DNAH11: variants seen among roughly 807,000 people sequenced by gnomAD.
DNAH11 encodes axonemal beta dynein heavy chain 11.
In DNAH11, 442 loss-of-function variants were observed where a neutral mutation model predicts 526.0. The ratio of observed to expected loss-of-function variants is 0.84; its 90% CI spans 0.78 to 0.91. DNAH11 has a LOEUF of 0.91. Among genes scored for constraint, DNAH11 ranks in the 40% least tolerant of loss-of-function variants. DNAH11 has a pLI of 0.00. For missense variants in DNAH11, 6,989 were observed against 5,448.7 expected (o/e 1.28, Z -8.90); for synonymous variants, 2,461 against 1,935.9 (o/e 1.27, Z -7.12).
rs757609611 is a variant in DNAH11, at chr7:21,616,251, C to G, written c.4054C>G (p.His1352Asp). ...NWTKTQWRQI[H>D]VEQMDVELRR... The stretch of plus-strand genomic sequence containing the variant: ...GACTAAAACCCAGTGGAGACAGATT[C>G]ATGTGGAACAGATGGATGTAGAACT... The change falls in exon 22 of 82, where the codon CAT becomes GAT. Residue 1352 changes from histidine (H) to aspartate (D), a missense_variant. Transcript: ENST00000409508. 6.2e-6 allele frequency: 10 copies of G among 1,613,428 alleles called. No homozygotes were observed. In the African/African-American group the frequency reaches 1.1e-4, roughly 17 times the overall value.
intron 79 of DNAH11, 90 bp downstream of exon 79, chr7:21,895,089 AC>A: frequency 9.2e-7 from 1 of 1,085,942 alleles, no homozygotes; most frequent in Admixed American, 2.1e-5. Flanking sequence ...AACTATGCAG[AC>A]GGAGCTTTGT....
chr7:21,803,965 A>T (rs1206814307), intron 62 of DNAH11, among the ~76,000 whole-genome samples: 6 of 152,248 alleles, frequency 3.9e-5, no homozygotes. Context: ...GCCACCGTTC[A>T]TCTCATGGGA....
At chr7:21,685,183 C>T (rs886693695) in intron 32 of DNAH11, among the ~76,000 whole-genome samples, 1 of 152,174 alleles carries the variant, frequency 6.6e-6, no homozygotes, top group African/African-American at 2.4e-5. Context: ...TTAATTTATG[C>T]ATTGCTTTCA....
intron 63 of DNAH11, among the ~76,000 whole-genome samples, chr7:21,812,570 C>G (rs1208719196): frequency 2.0e-5 from 3 of 151,986 alleles, no homozygotes; most frequent in African/African-American, 7.3e-5. Flanking sequence ...GGGAGGATCA[C>G]TTGAGCTCAG....
At chr7:21,884,244 G>C (rs769384487) in intron 75 of DNAH11, 47 bp from the exon 76 acceptor site, 2 of 1,527,506 alleles carry the variant, frequency 1.3e-6, no homozygotes, top group Non-Finnish European at 1.8e-6. Context: ...CTACTCTGAG[G>C]CAGACTCTGC....
chr7:21,744,548 T>C lies in DNAH11; in HGVS notation c.8265T>C (p.Asp2755=), dbSNP rs1786058659. 14 of 1,613,436 alleles carry C rather than the reference T, an allele frequency of 8.7e-6. No individual in the cohort carries two copies. The East Asian group carries it at 2.9e-4, about 33-fold the overall frequency. ...VYGDKLIDKK[D]CDLFQRRMLE... Reference sequence around the variant, plus strand: ...GAGACAAACTGATAGACAAAAAAGATTGTGATTTGTTTCAGAGAAGAATGC... The same window carrying C: ...GAGACAAACTGATAGACAAAAAAGACTGTGATTTGTTTCAGAGAAGAATGC... Residue 2755 remains aspartate (D), a synonymous_variant, in exon 50 of 82, where the codon GAT becomes GAC. Coordinates refer to ENST00000409508, the MANE Select transcript of DNAH11 (RefSeq NM_001277115.2).
chr7:21,580,437 T>C (rs1042777563), intron 8 of DNAH11, among the ~76,000 whole-genome samples: 2 of 152,210 alleles, frequency 1.3e-5, no homozygotes, highest in Admixed American at 1.3e-4. Context: ...TCCTAGAACT[T>C]TGCTGTTACA....
At chr7:21,767,276 T>C (rs1315505071) in intron 55 of DNAH11, among the ~76,000 whole-genome samples, 1 of 152,186 alleles carries the variant, frequency 6.6e-6, no homozygotes, top group African/African-American at 2.4e-5. Context: ...CAGAGCACTT[T>C]GTTTCTGCAT....
intron 65 of DNAH11, among the ~76,000 whole-genome samples, chr7:21,822,509 A>T (rs541454391): frequency 6.6e-6 from 1 of 152,130 alleles, no homozygotes; most frequent in Admixed American, 6.5e-5. Context: ...CAAATATCCA[A>T]ACTGTATCAC....
chr7:21,603,067 C>T (rs1249343645), intron 18 of DNAH11, among the ~76,000 whole-genome samples: 2 of 152,162 alleles, frequency 1.3e-5, no homozygotes, highest in East Asian at 1.9e-4. Flanking sequence ...TTGCAAACCC[C>T]TACCCACCAA....
chr7:21,771,670 C>T (rs1787439098), intron 55 of DNAH11, among the ~76,000 whole-genome samples: 1 of 152,060 alleles, frequency 6.6e-6, no homozygotes, highest in Non-Finnish European at 1.5e-5. Context: ...TTTTTGCCAT[C>T]ATCATGATTA....
chr7:21,746,154 C>T (rs927271372), intron 51 of DNAH11, among the ~76,000 whole-genome samples: 1 of 152,218 alleles, frequency 6.6e-6, no homozygotes, highest in African/African-American at 2.4e-5. Context: ...AACAGCTTAA[C>T]ATTGCCACTG....
intron 7 of DNAH11, 88 bp from the exon 8 acceptor site, chr7:21,571,718 G>C: frequency 1.0e-6 from 1 of 1,004,022 alleles, no homozygotes; most frequent in Non-Finnish European, 1.4e-6. Context: ...CATTGATTTT[G>C]AACATTTGAA....
At chr7:21,857,062 T>C (rs542439730) in intron 68 of DNAH11, among the ~76,000 whole-genome samples, 1 of 152,140 alleles carries the variant, frequency 6.6e-6, no homozygotes, top group Non-Finnish European at 1.5e-5. Flanking sequence ...ATTATGTATA[T>C]AGAAAATCCC....
intron 74 of DNAH11, among the ~76,000 whole-genome samples, chr7:21,876,417 A>T (rs1783714245): frequency 6.6e-6 from 1 of 152,236 alleles, no homozygotes; most frequent in Non-Finnish European, 1.5e-5. Flanking sequence ...TGCAGTTTTT[A>T]ATCAGATTAT....
rs1232365209 is a variant in DNAH11, at chr7:21,900,214, C to G, written c.13303+94C>G. ...CTTACTGTTTCTCAGCATCTCCTCA[C>G]TCACACAGTAACCTTATGCTAGTCA... On this transcript the variant is annotated intron_variant, in intron 81 of 81. Coordinates refer to ENST00000409508, the MANE Select transcript of DNAH11 (RefSeq NM_001277115.2). 3.0e-6 allele frequency: 4 copies of G among 1,326,708 alleles called. No homozygotes were observed. The Admixed American group carries it at 7.9e-5, about 26-fold the overall frequency. 82.2% of individuals were successfully genotyped at this position (1,326,708 alleles called of 1,614,324 possible). A position where few individuals can be genotyped will look rare whatever the true frequency, so the allele number is the denominator to read the frequency against.
chr7:21,874,832 A>C (rs1215746698), intron 74 of DNAH11, among the ~76,000 whole-genome samples: 1 of 151,946 alleles, frequency 6.6e-6, no homozygotes, highest in Non-Finnish European at 1.5e-5. Context: ...TCCTTCCTCT[A>C]ATTTTTTGGA....
At chr7:21,840,187 A>G (rs901278821) in intron 65 of DNAH11, among the ~76,000 whole-genome samples, 16 of 152,194 alleles carry the variant, frequency 1.1e-4, no homozygotes, top group African/African-American at 3.9e-4. Flanking sequence ...ATTGTTGCTA[A>G]TATTGTGACA....
chr7:21,569,335 C>A (rs1040536338), intron 6 of DNAH11, among the ~76,000 whole-genome samples: 5 of 152,210 alleles, frequency 3.3e-5, no homozygotes, highest in Admixed American at 6.5e-5. Context: ...TACAAAAGAA[C>A]CTTCAGAATG....
Sources: allele counts gnomAD v4.1 joint callset (sites outside exome capture counted in the v4.1 genomes callset), GRCh38; gene constraint gnomAD v4.1.1; transcripts MANE v1.5; gene names NCBI Gene and HGNC (gene_info 2026-07-23, HGNC 2026-07-21).